ZDHHC13: variants seen among roughly 807,000 people sequenced by gnomAD.
The protein encoded by ZDHHC13 is palmitoyltransferase ZDHHC13.
Under a neutral mutation model 86.0 loss-of-function variants are expected in ZDHHC13, and 85 were observed. That is an observed-to-expected ratio of 0.99 (90% CI 0.83 to 1.18). The LOEUF (loss-of-function observed/expected upper bound fraction) is 1.18, where lower values mean the gene tolerates loss of function less well. Ranked by LOEUF, ZDHHC13 falls within the 50% of genes most tolerant of loss-of-function variation. The pLI is 0.00. For missense variants in ZDHHC13, 711 were observed against 730.2 expected (o/e 0.97, Z 0.30); for synonymous variants, 263 against 246.4 (o/e 1.07, Z -0.63).
chr11:19,163,844 C>G (rs2133460812), intron 11 of ZDHHC13, among the ~76,000 whole-genome samples: 1 of 152,234 alleles, frequency 6.6e-6, no homozygotes, highest in African/African-American at 2.4e-5. Flanking sequence ...GATGACATGG[C>G]ATGTTTTCCG....
intron 8 of ZDHHC13, among the ~76,000 whole-genome samples, chr11:19,153,159 T>G (rs1008603221): frequency 1.3e-5 from 2 of 152,188 alleles, no homozygotes; most frequent in Non-Finnish European, 2.9e-5. Context: ...TGATGTCACT[T>G]CATAAAAGAA....
chr11:19,121,126 A>G (rs1294988432), intron 1 of ZDHHC13, among the ~76,000 whole-genome samples: 2 of 152,216 alleles, frequency 1.3e-5, no homozygotes, highest in Non-Finnish European at 2.9e-5. Context: ...CTAGCCCTTT[A>G]ACTTTTCCCA....
chr11:19,137,254 A>G (rs1215318022), intron 1 of ZDHHC13, among the ~76,000 whole-genome samples: 1 of 152,040 alleles, frequency 6.6e-6, no homozygotes, highest in Non-Finnish European at 1.5e-5. Flanking sequence ...AAAAAAAGGC[A>G]GGGGTTGCAA....
chr11:19,153,443 A>C (rs1849666556), intron 8 of ZDHHC13, among the ~76,000 whole-genome samples: 1 of 152,170 alleles, frequency 6.6e-6, no homozygotes, highest in South Asian at 2.1e-4. Flanking sequence ...TTGTACTTTC[A>C]GAGTGATTCT....
chr11:19,117,235 TG>T lies in ZDHHC13; in HGVS notation c.-12del. 1 of 1,526,560 alleles carries T rather than the reference TG, an allele frequency of 6.6e-7. No homozygotes were observed. 94.6% of individuals were successfully genotyped at this position (1,526,560 alleles called of 1,614,324 possible). ...ACTTGCCTAGTAGCCTCAGCCGCTG[TG>T]GGCTCCTGGGGAGATGGAGGGGCCG... On this transcript the variant is annotated 5_prime_UTR_variant, in exon 1 of 17. Transcript: ENST00000446113. This position sits in a 1 kb window ranked among gnomAD's most constrained non-coding sequence, Gnocchi z 4.2.
rs559276713 is a variant in ZDHHC13, at chr11:19,175,188, A to G, written c.1731-634A>G. ...CGGATCACGAGGTCAGGAGATTGAG[A>G]CCATCCTGGCTAACACGGTGAAACC... On this transcript the variant is annotated intron_variant, in intron 16 of 16. Coordinates refer to ENST00000446113, the MANE Select transcript of ZDHHC13 (RefSeq NM_019028.3). 2.6e-5 allele frequency among the ~76,000 whole-genome samples: 4 copies of G among 151,938 alleles called. No homozygotes were observed. In the East Asian group the frequency reaches 5.8e-4, roughly 22 times the overall value.
At chr11:19,134,631 C>T (rs1849081803) in intron 1 of ZDHHC13, among the ~76,000 whole-genome samples, 1 of 151,930 alleles carries the variant, frequency 6.6e-6, no homozygotes, top group African/African-American at 2.4e-5. Context: ...ACTGCATGTT[C>T]TCACTCATAA....
In ZDHHC13 at chr11:19,166,494, C is replaced by A. The variant is rs182833860; in HGVS notation, c.1474+109C>A. The A allele has an allele frequency of 1.1e-3, 913 of 834,902 alleles. 4 individuals are homozygous for A. The highest frequency in any genetic ancestry group is 5.8e-3 in the Middle Eastern group (25 of 4,344). 51.7% of individuals were successfully genotyped at this position (834,902 alleles called of 1,614,324 possible). A position where few individuals can be genotyped will look rare whatever the true frequency, so the allele number is the denominator to read the frequency against. ...TGGCTGGGTGACTATAAACCATACTCCTAATAAAAACAAAGCAAATGCCTC... is the reference window on the plus strand; with the variant it reads ...TGGCTGGGTGACTATAAACCATACTACTAATAAAAACAAAGCAAATGCCTC... On this transcript the variant is annotated intron_variant, in intron 14 of 16. Coordinates refer to ENST00000446113, the MANE Select transcript of ZDHHC13 (RefSeq NM_019028.3).
rs1016119632 is a variant in ZDHHC13 at position 19,147,672 on chromosome 11, C to A, written c.373C>A (p.Arg125=). 2.5e-6 allele frequency: 4 copies of A among 1,595,154 alleles called. No homozygotes were observed. The South Asian group carries it at 4.5e-5, about 18-fold the overall frequency. Residue 125 remains arginine (R), a splice_region_variant and synonymous_variant, in exon 4 of 17, where the codon CGA becomes AGA. Transcript: ENST00000446113. ...LNSTPLHWAI[R]QGHLPMVILL... Reference sequence around the variant, plus strand: ...TTCAACTCCTCTTCACTGGGCCATCCGGTAAGGTTTCTTTGAACACTGAAA... The same window carrying A: ...TTCAACTCCTCTTCACTGGGCCATCAGGTAAGGTTTCTTTGAACACTGAAA...
Position 19,151,835 on chromosome 11 carries a change from G to A in ZDHHC13, c.585-323G>A, listed in dbSNP as rs191890465. Among the ~76,000 whole-genome samples the A allele has an allele frequency of 1.2e-3, 180 of 152,022 alleles. 4 individuals are homozygous for A. The highest frequency in any genetic ancestry group is 2.2e-3 in the Admixed American group (33 of 15,274). On this transcript the variant is annotated intron_variant, in intron 6 of 16. Coordinates refer to ENST00000446113, the MANE Select transcript of ZDHHC13 (RefSeq NM_019028.3). ...ATAAATAGCATAGCATTTAATATTG[G>A]CTAAAGTTAAATCTATATTCAAAGA...
chr11:19,165,618 C>T (rs967703944), intron 13 of ZDHHC13, among the ~76,000 whole-genome samples: 1 of 152,212 alleles, frequency 6.6e-6, no homozygotes, highest in Non-Finnish European at 1.5e-5. Context: ...ACTTAGCTGC[C>T]TTGCCCTTCC....
At chr11:19,130,872 A>T in intron 1 of ZDHHC13, among the ~76,000 whole-genome samples, 1 of 150,494 alleles carries the variant, frequency 6.6e-6, no homozygotes, top group Non-Finnish European at 1.5e-5. Context: ...TTGAAAGGGA[A>T]TTTCGCTCTG....
intron 5 of ZDHHC13, 128 bp downstream of exon 5, chr11:19,149,459 C>T: frequency 9.9e-7 from 1 of 1,011,838 alleles, no homozygotes; most frequent in South Asian, 2.6e-5. Context: ...AGATATTAGC[C>T]TCAGTACGTT....
chr11:19,169,888 T>G lies in ZDHHC13; in HGVS notation c.1475-523T>G, dbSNP rs1850172424. The G allele has an allele frequency of 3.0e-6, 3 of 985,580 alleles. No individual in the cohort carries two copies. The South Asian group carries it at 1.4e-4, about 46-fold the overall frequency. 61.1% of individuals were successfully genotyped at this position (985,580 alleles called of 1,614,324 possible). A position where few individuals can be genotyped will look rare whatever the true frequency, so the allele number is the denominator to read the frequency against. Reference sequence around the variant, plus strand: ...ATCTGGCCTTTCTTCCTCTGCAGATTTAGTTATGGTGTCAGTGCAGAAGTA... The same window carrying G: ...ATCTGGCCTTTCTTCCTCTGCAGATGTAGTTATGGTGTCAGTGCAGAAGTA... On this transcript the variant is annotated intron_variant, in intron 14 of 16. Transcript: ENST00000446113.
At chr11:19,126,522 T>C (rs1848882449) in intron 1 of ZDHHC13, among the ~76,000 whole-genome samples, 1 of 145,064 alleles carries the variant, frequency 6.9e-6, no homozygotes. Flanking sequence ...TTTTTTTTTT[T>C]TTTTTTTAGT....
At position 19,158,904 on chromosome 11, in the gene ZDHHC13, C is replaced by A; in HGVS notation, c.1008-36C>A. On this transcript the variant is annotated intron_variant, in intron 9 of 16. Transcript: ENST00000446113. Reference sequence around the variant, plus strand: ...ATTTAGAACTAAAATTAATACAAGTCATACTAATAACTTATATTTATCTTT... The same window carrying A: ...ATTTAGAACTAAAATTAATACAAGTAATACTAATAACTTATATTTATCTTT... 3.0e-6 allele frequency: 4 copies of A among 1,326,250 alleles called. No individual in the cohort carries two copies. In the South Asian group the frequency reaches 4.3e-5, roughly 14 times the overall value. 82.2% of individuals were successfully genotyped at this position (1,326,250 alleles called of 1,614,324 possible).
intron 15 of ZDHHC13, 50 bp downstream of exon 15, chr11:19,170,618 G>C (rs1194706831): frequency 3.4e-6 from 5 of 1,451,286 alleles, no homozygotes; most frequent in Non-Finnish European, 4.6e-6. Flanking sequence ...TCTAAAACTT[G>C]TAGTGAGACA....
At chr11:19,145,040 CAG>C (rs1849421976) in intron 2 of ZDHHC13, among the ~76,000 whole-genome samples, 1 of 151,756 alleles carries the variant, frequency 6.6e-6, no homozygotes, top group Non-Finnish European at 1.5e-5. Flanking sequence ...ACCTGGGAGA[CAG>C]AGGTTGAAGT....
At chr11:19,168,684 C>G in intron 14 of ZDHHC13, 1 of 391,020 alleles carries the variant, frequency 2.6e-6, no homozygotes, top group Non-Finnish European at 3.5e-6. Context: ...CTCCATTTCT[C>G]TAATGAGGCC....
Sources: gnomAD v4.1 joint callset for allele counts (sites outside exome capture counted in the v4.1 genomes callset) on GRCh38, gnomAD v4.1.1 for gene constraint, Gnocchi (gnomAD v3.1) non-coding constraint, MANE v1.5 for transcripts, NCBI Gene and HGNC (gene_info 2026-07-23, HGNC 2026-07-21) for gene names.